IL1RAPL2: variants seen among roughly 807,000 people sequenced by gnomAD.
IL1RAPL2 encodes interleukin 1 receptor accessory protein like 2.
A neutral mutation model predicts 44.1 loss-of-function variants in IL1RAPL2; 3 were observed. The observed-to-expected ratio is 0.07, with a 90% CI of 0.03 to 0.18. The LOEUF (loss-of-function observed/expected upper bound fraction) is 0.18. IL1RAPL2 is among the 10% of genes least tolerant of loss of function. IL1RAPL2 has a pLI of 1.00. For synonymous variants in IL1RAPL2, 181 were observed against 178.8 expected, an observed-to-expected ratio of 1.01 and a Z score of -0.10; for missense variants, 391 against 496.4, an observed-to-expected ratio of 0.79 and a Z score of 2.02.
At chrX:105,718,690 T>C (rs1440021874) in intron 7 of IL1RAPL2, among the ~76,000 whole-genome samples, 1 of 111,259 alleles carries the variant, frequency 9.0e-6, no homozygotes, top group Non-Finnish European at 1.9e-5. Context: ...GAGGCCAAGG[T>C]GGGTGGATTG....
At chrX:104,608,788 C>T (rs1407067176) in intron 1 of IL1RAPL2, among the ~76,000 whole-genome samples, 2 of 106,624 alleles carry the variant, frequency 1.9e-5, no homozygotes, top group African/African-American at 6.9e-5. Flanking sequence ...ACTGATGGGT[C>T]TTGACTCTTT....
chrX:105,292,433 T>A (rs1049724764), intron 5 of IL1RAPL2, among the ~76,000 whole-genome samples: 1 of 112,067 alleles, frequency 8.9e-6, no homozygotes, highest in Non-Finnish European at 1.9e-5. Context: ...CCACACTTTT[T>A]TGAAAAGGCT....
At chrX:105,691,652 GA>G (rs1323440890) in intron 6 of IL1RAPL2, among the ~76,000 whole-genome samples, 1 of 111,640 alleles carries the variant, frequency 9.0e-6, no homozygotes, top group African/African-American at 3.2e-5. Context: ...ATAATTTTCA[GA>G]AAAAGGTAAA....
At chrX:105,077,399 C>T (rs988466215) in intron 2 of IL1RAPL2, among the ~76,000 whole-genome samples, 1 of 112,103 alleles carries the variant, frequency 8.9e-6, no homozygotes, top group African/African-American at 3.2e-5. Flanking sequence ...TGTAGAGTTT[C>T]TGCAGAGAGG....
intron 6 of IL1RAPL2, among the ~76,000 whole-genome samples, chrX:105,521,966 A>G (rs1365422472): frequency 8.9e-6 from 1 of 112,220 alleles, no homozygotes; most frequent in Non-Finnish European, 1.9e-5. Context: ...GGCATTATGA[A>G]CCAGCAATTC....
intron 5 of IL1RAPL2, among the ~76,000 whole-genome samples, chrX:105,272,241 C>T (rs1165157320): frequency 1.8e-5 from 2 of 108,386 alleles, no homozygotes; most frequent in Non-Finnish European, 3.8e-5. Flanking sequence ...ATGTAACTAA[C>T]CTGCACAATG....
At chrX:105,691,853 G>T (rs2038037883) in intron 6 of IL1RAPL2, among the ~76,000 whole-genome samples, 1 of 110,995 alleles carries the variant, frequency 9.0e-6, no homozygotes. Flanking sequence ...AAGAAGGGTG[G>T]CATAGGGTGA....
chrX:105,281,489 T>TCATG (rs2034532137), intron 5 of IL1RAPL2, among the ~76,000 whole-genome samples: 1 of 112,555 alleles, frequency 8.9e-6, no homozygotes, highest in South Asian at 3.7e-4. Flanking sequence ...TTAATTGCAG[T>TCATG]CATGCATGCA....
At chrX:105,512,388 G>A (rs1602444903) in intron 6 of IL1RAPL2, among the ~76,000 whole-genome samples, 1 of 111,148 alleles carries the variant, frequency 9.0e-6, no homozygotes, top group Non-Finnish European at 1.9e-5. Context: ...TGGAAACATG[G>A]AGAACAAAGT....
At chrX:105,117,661 T>C (rs886251104) in intron 2 of IL1RAPL2, among the ~76,000 whole-genome samples, 2 of 111,655 alleles carry the variant, frequency 1.8e-5, no homozygotes, top group Admixed American at 1.9e-4. Context: ...TTCCCCCCTT[T>C]GCTCAGCACT....
chrX:104,846,984 A>G (rs1247261067), intron 2 of IL1RAPL2, among the ~76,000 whole-genome samples: 1 of 112,426 alleles, frequency 8.9e-6, no homozygotes, highest in Non-Finnish European at 1.9e-5. Context: ...TGTTGGCTGC[A>G]TAAATGTCTT....
chrX:105,051,638 C>T (rs1056714842), intron 2 of IL1RAPL2, among the ~76,000 whole-genome samples: 2 of 113,152 alleles, frequency 1.8e-5, no homozygotes, highest in Non-Finnish European at 3.8e-5. Context: ...TGGGCGACTG[C>T]CCCTGTATCT....
chrX:104,630,917 C>A (rs1929631969), intron 1 of IL1RAPL2, among the ~76,000 whole-genome samples: 1 of 108,471 alleles, frequency 9.2e-6, no homozygotes, highest in Non-Finnish European at 1.9e-5. Flanking sequence ...TATACATGTG[C>A]CATGTTGGTG....
chrX:105,043,252 G>T (rs1018833595), intron 2 of IL1RAPL2, among the ~76,000 whole-genome samples: 4 of 110,233 alleles, frequency 3.6e-5, no homozygotes, highest in Non-Finnish European at 5.7e-5. Context: ...AAGAAAAAGA[G>T]AGTATTTGTG....
At chrX:104,889,624 T>G (rs1403232650) in intron 2 of IL1RAPL2, among the ~76,000 whole-genome samples, 1 of 111,156 alleles carries the variant, frequency 9.0e-6, no homozygotes, top group East Asian at 2.8e-4. Context: ...GTTAAGTCTG[T>G]CAGCACAGAG....
At chrX:105,038,190 T>C (rs1431307040) in intron 2 of IL1RAPL2, among the ~76,000 whole-genome samples, 1 of 88,580 alleles carries the variant, frequency 1.1e-5, no homozygotes, top group Non-Finnish European at 2.2e-5. Flanking sequence ...CTCTATCCAC[T>C]CCAATAAACT....
At chrX:105,610,885 A>T (rs1293667255) in intron 6 of IL1RAPL2, among the ~76,000 whole-genome samples, 6 of 38 alleles carry the variant, frequency 0.16, no homozygotes, top group Non-Finnish European at 0.22. Flanking sequence ...AAAAACGGTT[A>T]ATTGTAAAAA....
At chrX:104,891,056 A>C (rs1179926821) in intron 2 of IL1RAPL2, among the ~76,000 whole-genome samples, 1 of 111,896 alleles carries the variant, frequency 8.9e-6, no homozygotes, top group African/African-American at 3.3e-5. Flanking sequence ...TAAATAGGGA[A>C]TCCTTTCCCC....
chrX:105,522,607 C>T (rs1463253222), intron 6 of IL1RAPL2, among the ~76,000 whole-genome samples: 2 of 112,313 alleles, frequency 1.8e-5, no homozygotes, highest in African/African-American at 6.5e-5. Context: ...TAAATTTTGG[C>T]TACACATTAT....
Sources: allele counts gnomAD v4.1 joint callset (sites outside exome capture counted in the v4.1 genomes callset), GRCh38; gene constraint gnomAD v4.1.1; transcripts MANE v1.5; gene names NCBI Gene and HGNC (gene_info 2026-07-23, HGNC 2026-07-21).